Variants in ADAM10 observed in about 807,000 individuals in gnomAD.
ADAM10 encodes ADAM metallopeptidase domain 10.
Under a neutral mutation model 90.1 loss-of-function variants are expected in ADAM10, and 17 were observed. That is an observed-to-expected ratio of 0.19 (90% CI 0.13 to 0.28). ADAM10 has a LOEUF of 0.28. Among genes scored for constraint, ADAM10 ranks in the 10% least tolerant of loss-of-function variants. The pLI, the probability that ADAM10 is intolerant of heterozygous loss-of-function variation, is 1.00. For synonymous variants in ADAM10, 310 were observed against 298.6 expected, an observed-to-expected ratio of 1.04 and a Z score of -0.40; for missense variants, 610 against 914.3, an observed-to-expected ratio of 0.67 and a Z score of 4.29.
At chr15:58,737,944 T>C (rs1899483836) in intron 1 of ADAM10, among the ~76,000 whole-genome samples, 1 of 152,230 alleles carries the variant, frequency 6.6e-6, no homozygotes, top group South Asian at 2.1e-4. Context: ...AGTTTTTTCC[T>C]ATCTATACCC....
chr15:58,691,594 T>TA, intron 2 of ADAM10: 1 of 487,566 alleles, frequency 2.1e-6, no homozygotes, highest in Non-Finnish European at 4.1e-6. Context: ...CACGAGATTT[T>TA]AGAGAATACC....
In ADAM10 at chr15:58,639,744, A is replaced by T. The variant is rs189091095; in HGVS notation, c.1012+1033T>A. On this transcript the variant is annotated intron_variant, in intron 8 of 15. Transcript: ENST00000260408. The stretch of plus-strand genomic sequence containing the variant: ...ATGGAAATTGTAAAAGTATTGACTT[A>T]AGATACTGACTTTTAAAAAAGGAGA... 3.5e-3 allele frequency among the ~76,000 whole-genome samples: 540 copies of T among 152,310 alleles called. 4 individuals are homozygous for T. The highest frequency in any genetic ancestry group is 0.012 in the African/African-American group (519 of 41,572).
chr15:58,614,103 G>A (rs1274688392), intron 11 of ADAM10, among the ~76,000 whole-genome samples: 1 of 152,118 alleles, frequency 6.6e-6, no homozygotes. Flanking sequence ...TCAGGAGCTT[G>A]AAACCCCGTC....
intron 5 of ADAM10, among the ~76,000 whole-genome samples, chr15:58,662,158 T>C (rs1424565162): frequency 6.6e-6 from 1 of 152,226 alleles, no homozygotes; most frequent in Non-Finnish European, 1.5e-5. Context: ...GTAACTGGAC[T>C]TAGTGTCCTC....
intron 5 of ADAM10, among the ~76,000 whole-genome samples, chr15:58,646,680 A>C (rs1326800764): frequency 6.6e-6 from 1 of 152,206 alleles, no homozygotes; most frequent in Non-Finnish European, 1.5e-5. Flanking sequence ...ATGGCCTTAC[A>C]TCTCTTCTCC....
At chr15:58,658,235 A>G (rs778272849) in intron 5 of ADAM10, among the ~76,000 whole-genome samples, 9 of 151,952 alleles carry the variant, frequency 5.9e-5, no homozygotes, top group Non-Finnish European at 1.3e-4. Flanking sequence ...TTTCATATGG[A>G]TATCCAATTG....
At chr15:58,730,556 T>C (rs901858790) in intron 1 of ADAM10, among the ~76,000 whole-genome samples, 1 of 152,224 alleles carries the variant, frequency 6.6e-6, no homozygotes, top group Non-Finnish European at 1.5e-5. Context: ...CTTAGTTTCA[T>C]CTGCCTTTGG....
rs367800987 is a variant in ADAM10 at position 58,641,006 on chromosome 15, G to C, written c.829-46C>G. The C allele has an allele frequency of 2.5e-5, 38 of 1,534,772 alleles. No homozygotes were observed. The African/African-American group carries it at 4.1e-4, about 17-fold the overall frequency. ...TTAGTAAGTAATTAATGTTAGCAGA[G>C]CTTTAGTGTGAATGTCTGCTCACCT... On this transcript the variant is annotated intron_variant, in intron 7 of 15. Transcript: ENST00000260408.
intron 5 of ADAM10, among the ~76,000 whole-genome samples, chr15:58,655,687 T>TATATAC (rs57182110): frequency 1.2e-5 from 1 of 80,306 alleles, no homozygotes; most frequent in African/African-American, 6.3e-5. Flanking sequence ...CATATATATA[T>TATATAC]TATATATAGT....
rs563963898 is a variant in ADAM10, at chr15:58,596,996, G to A, written c.*551C>T. The A allele has an allele frequency of 1.2e-5, 2 of 169,294 alleles. No homozygotes were observed. The highest frequency in any genetic ancestry group is 2.8e-4 in the South Asian group (2 of 7,050). 10.5% of individuals were successfully genotyped at this position (169,294 alleles called of 1,614,324 possible). On this transcript the variant is annotated 3_prime_UTR_variant, in exon 16 of 16. Coordinates refer to ENST00000260408, the MANE Select transcript of ADAM10 (RefSeq NM_001110.4). ...CAATTAAACAGTAATTTTTAATTAA[G>A]AGCGGAAAAATTTTATAATACAAAG... is the stretch of plus-strand genomic sequence containing the variant.
intron 2 of ADAM10, among the ~76,000 whole-genome samples, chr15:58,710,576 T>C (rs16940684): frequency 2.6e-5 from 4 of 152,094 alleles, no homozygotes. Flanking sequence ...AATCCAATAC[T>C]GAGATAAAAA....
chr15:58,618,982 T>C (rs1160468526), intron 11 of ADAM10, among the ~76,000 whole-genome samples: 2 of 152,156 alleles, frequency 1.3e-5, no homozygotes, highest in African/African-American at 4.8e-5. Context: ...ATAGATCTAC[T>C]ATATGATCCA....
intron 2 of ADAM10, chr15:58,692,163 C>G: frequency 1.1e-5 from 6 of 534,416 alleles, no homozygotes; most frequent in Non-Finnish European, 2.3e-5. Context: ...TGTTCATTTT[C>G]CTCTTGTTCT....
At chr15:58,598,769 C>T (rs1307065568) in intron 15 of ADAM10, among the ~76,000 whole-genome samples, 2 of 152,212 alleles carry the variant, frequency 1.3e-5, no homozygotes, top group African/African-American at 4.8e-5. Context: ...GGTTTATTTC[C>T]TGTCCTTTTC....
intron 2 of ADAM10, chr15:58,692,923 C>CCAA (rs779144158): frequency 7.1e-6 from 5 of 705,422 alleles, no homozygotes; most frequent in Non-Finnish European, 1.3e-5. Context: ...CTTGGTCATG[C>CCAA]CAATGCCTGT....
chr15:58,635,927 A>G (rs1227006471), intron 8 of ADAM10, among the ~76,000 whole-genome samples: 1 of 152,186 alleles, frequency 6.6e-6, no homozygotes, highest in Non-Finnish European at 1.5e-5. Flanking sequence ...AGTAATTTAT[A>G]TATTGCCTAA....
chr15:58,743,518 T>G (rs1448428353), intron 1 of ADAM10, among the ~76,000 whole-genome samples: 20 of 152,388 alleles, frequency 1.3e-4, no homozygotes, highest in Non-Finnish European at 1.5e-5. Flanking sequence ...GGTAACACAG[T>G]TGCTGTAACA....
Position 58,679,233 on chromosome 15 carries a change from T to C in ADAM10, c.375A>G (p.Glu125=). ...TGCCACCACGAGTCTGGATGAATCC[T>C]TCAAATCTTCCATCAATAACAGACC... The part of the protein sequence containing the change: ...SHGSVIDGRF[E]GFIQTRGGTF... The change falls in exon 4 of 16, where the codon GAA becomes GAG. Residue 125 remains glutamate (E), a synonymous_variant. Coordinates refer to ENST00000260408, the MANE Select transcript of ADAM10 (RefSeq NM_001110.4). 6.2e-7 allele frequency: 1 copy of C among 1,614,074 alleles called. No homozygotes were observed. Among genetic ancestry groups the C allele is most frequent in the Non-Finnish European group, 8.5e-7 (1 of 1,179,988 alleles).
At chr15:58,743,128 A>G (rs889126024) in intron 1 of ADAM10, among the ~76,000 whole-genome samples, 3 of 151,190 alleles carry the variant, frequency 2.0e-5, no homozygotes, top group Admixed American at 2.0e-4. Context: ...CTGCCCGTGT[A>G]AAAACCAAAT....
Sources: gnomAD v4.1 joint callset for allele counts (sites outside exome capture counted in the v4.1 genomes callset) on GRCh38, gnomAD v4.1.1 for gene constraint, MANE v1.5 for transcripts, NCBI Gene and HGNC (gene_info 2026-07-23, HGNC 2026-07-21) for gene names.